RNASET2: variants seen among roughly 807,000 people sequenced by gnomAD.
RNASET2 encodes the protein ribonuclease T2, also known as ribonuclease 6.
In RNASET2, 28 loss-of-function variants were observed where a neutral mutation model predicts 33.9. The ratio of observed to expected loss-of-function variants is 0.83; its 90% CI spans 0.61 to 1.13. The LOEUF (loss-of-function observed/expected upper bound fraction) is 1.13. Among genes scored for constraint, RNASET2 ranks in the 50% most tolerant of loss-of-function variants. RNASET2 has a pLI of 0.00. For missense variants in RNASET2, 330 were observed against 319.9 expected, an observed-to-expected ratio of 1.03 and a Z score of -0.24; for synonymous variants, 123 against 121.0, an observed-to-expected ratio of 1.02 and a Z score of -0.11.
rs375685341 is a variant in RNASET2, at chr6:166,929,540, G to C, written c.*48C>G. The C allele has an allele frequency of 5.7e-6, 9 of 1,584,980 alleles. No homozygotes were observed. Among genetic ancestry groups the C allele is most frequent in the Non-Finnish European group, 7.8e-6 (9 of 1,153,616 alleles). On this transcript the variant is annotated 3_prime_UTR_variant, in exon 9 of 9. Coordinates refer to ENST00000508775, the MANE Select transcript of RNASET2 (RefSeq NM_003730.6). ...GTTGTTTTTTAGAAAGCTGCAGTTT[G>C]TGAATTTCTCTTGCTTTTTAAAACA... is the stretch of plus-strand genomic sequence containing the variant.
intron 2 of RNASET2, among the ~76,000 whole-genome samples, chr6:166,951,853 G>A (rs1218260751): frequency 2.0e-5 from 3 of 152,086 alleles, no homozygotes; most frequent in East Asian, 3.9e-4. Flanking sequence ...GTGGCTTGCC[G>A]CCCACAGAGG....
At chr6:166,950,602 A>G (rs1327753099) in intron 2 of RNASET2, among the ~76,000 whole-genome samples, 2 of 152,210 alleles carry the variant, frequency 1.3e-5, no homozygotes, top group Non-Finnish European at 2.9e-5. Flanking sequence ...GAAGTGTGCA[A>G]TGCACACCAG....
rs1213065780 is a variant in RNASET2 at position 166,933,006 on chromosome 6, AT to A, written c.492+1084del. 5 of 152,330 alleles carry A rather than the reference AT, an allele frequency of 3.3e-5. No homozygotes were observed. The highest frequency in any genetic ancestry group is 9.6e-5 in the African/African-American group (4 of 41,576). 9.4% of individuals were successfully genotyped at this position (152,330 alleles called of 1,614,324 possible). On this transcript the variant is annotated intron_variant, in intron 7 of 8. Transcript: ENST00000508775. The surrounding 1 kb of genome is among the most constrained non-coding windows in gnomAD (Gnocchi z 4.1). ...ATGGCTGCACAGGTAAGCAGACACC[AT>A]GAGAGCAAAGACACTGTTGCCAATT...
chr6:166,943,027 G>T lies in RNASET2; in HGVS notation c.324C>A (p.Ser108Arg). Residue 108 changes from serine (S) to arginine (R), a missense_variant, in exon 5 of 9, where the codon AGC becomes AGA. Ser to Arg is a moderately radical substitution (Grantham distance 110). Coordinates refer to ENST00000508775, the MANE Select transcript of RNASET2 (RefSeq NM_003730.6). ...PDVIHSFPNR[S>R]RFWKHEWEKH... is the part of the protein sequence containing the mutation. Reference sequence around the variant, plus strand: ...CAGAGGCTGGGACTTACCAGAAGCGGCTGCGATTGGGAAACGAGTGAATTA... The same window carrying T: ...CAGAGGCTGGGACTTACCAGAAGCGTCTGCGATTGGGAAACGAGTGAATTA... 1 of 1,613,454 alleles carries T rather than the reference G, an allele frequency of 6.2e-7. No homozygotes were observed. Among genetic ancestry groups the T allele is most frequent in the Non-Finnish European group, 8.5e-7 (1 of 1,179,588 alleles).
At chr6:166,937,792 C>T (rs1283412331) in intron 6 of RNASET2, among the ~76,000 whole-genome samples, 1 of 152,172 alleles carries the variant, frequency 6.6e-6, no homozygotes, top group Non-Finnish European at 1.5e-5. Flanking sequence ...ATGCCACGCG[C>T]TCTGGGAGGT....
At position 166,948,653 on chromosome 6, in the gene RNASET2, A is replaced by G. The variant is rs528863584; in HGVS notation, c.148-28T>C. ...AGGGAGAAAATATAACAAGAAAATG[A>G]TTGGCTCTTTGTTTATTCAAATACA... is the stretch of plus-strand genomic sequence containing the variant. On this transcript the variant is annotated intron_variant, in intron 2 of 8. Transcript: ENST00000508775. 13 of 1,348,752 alleles carry G rather than the reference A, an allele frequency of 9.6e-6. No individual in the cohort carries two copies. In the South Asian group the frequency reaches 1.4e-4, roughly 15 times the overall value. 83.5% of individuals were successfully genotyped at this position (1,348,752 alleles called of 1,614,324 possible). A position where few individuals can be genotyped will look rare whatever the true frequency, so the allele number is the denominator to read the frequency against.
intron 4 of RNASET2, among the ~76,000 whole-genome samples, chr6:166,946,022 T>C (rs975527269): frequency 2.7e-4 from 41 of 152,174 alleles, no homozygotes; most frequent in African/African-American, 9.4e-4. Context: ...CCCTGGTATA[T>C]ACTGGTTACA....
intron 7 of RNASET2, chr6:166,931,918 C>G (rs542972191): frequency 6.5e-6 from 1 of 154,214 alleles, no homozygotes; most frequent in Non-Finnish European, 1.4e-5. Context: ...CCTGCCCCAT[C>G]TCCTTGGCCT....
rs1287284663 is a variant in RNASET2, at chr6:166,923,419, C to T, written c.*6169G>A. On this transcript the variant is annotated 3_prime_UTR_variant, in exon 9 of 9. Transcript: ENST00000508775. ...ATTTTTAGTAGAGATAGGGTTTCGT[C>T]CTGTTGGCCAGGGTGGTCTTGAACG... is the stretch of plus-strand genomic sequence containing the variant. 6.6e-6 allele frequency among the ~76,000 whole-genome samples: 1 copy of T among 151,914 alleles called. No homozygotes were observed. Among genetic ancestry groups the T allele is most frequent in the Non-Finnish European group, 1.5e-5 (1 of 68,002 alleles).
intron 4 of RNASET2, 48 bp from the exon 5 acceptor site, chr6:166,943,137 A>C: frequency 7.2e-7 from 1 of 1,389,012 alleles, no homozygotes; most frequent in Non-Finnish European, 1.0e-6. Context: ...TTAATAATAA[A>C]CTCAAAACCT....
At chr6:166,946,414 G>C (rs984912444) in intron 4 of RNASET2, among the ~76,000 whole-genome samples, 2 of 152,244 alleles carry the variant, frequency 1.3e-5, no homozygotes, top group East Asian at 1.9e-4. Flanking sequence ...GGGAGTGTCA[G>C]GGCTTGCTCC....
At chr6:166,955,994 G>C (rs940856690) in intron 1 of RNASET2, 103 bp downstream of exon 1, 52 of 990,378 alleles carry the variant, frequency 5.3e-5, no homozygotes, top group East Asian at 2.2e-4. Flanking sequence ...GTCGCTGCCC[G>C]GGGCTCAGCG....
At position 166,955,401 on chromosome 6, in the gene RNASET2, ACACACACGCG is replaced by A. The variant is rs1311103478; in HGVS notation, c.86+686_86+695del. ...CACACGCACACACACACACGCGCAC[ACACACACGCG>A]CACACACACACACACGCGGAGGGCG... On this transcript the variant is annotated intron_variant, in intron 1 of 8. Coordinates refer to ENST00000508775, the MANE Select transcript of RNASET2 (RefSeq NM_003730.6). The A allele has an allele frequency of 7.2e-5, 45 of 621,238 alleles. 1 individual carries two copies. The South Asian group carries it at 2.5e-3, about 34-fold the overall frequency. 38.5% of individuals were successfully genotyped at this position (621,238 alleles called of 1,614,324 possible).
At chr6:166,951,816 C>A (rs554132727) in intron 2 of RNASET2, among the ~76,000 whole-genome samples, 189 of 152,310 alleles carry the variant, frequency 1.2e-3, no homozygotes, top group African/African-American at 4.5e-3. Flanking sequence ...ACAGCTTATG[C>A]CCTCGGTCTC....
At position 166,922,479 on chromosome 6, in the gene RNASET2, G is replaced by C. The variant is rs1358403571; in HGVS notation, c.*7109C>G. 6.6e-6 allele frequency among the ~76,000 whole-genome samples: 1 copy of C among 152,198 alleles called. No individual in the cohort carries two copies. Among genetic ancestry groups the C allele is most frequent in the Non-Finnish European group, 1.5e-5 (1 of 68,030 alleles). The stretch of plus-strand genomic sequence containing the variant: ...TTTCACTCATTGACTTAAGTGGAAT[G>C]ATTAACCTGGAGGAGACTCCAATCA... On this transcript the variant is annotated 3_prime_UTR_variant, in exon 9 of 9. Coordinates refer to ENST00000508775, the MANE Select transcript of RNASET2 (RefSeq NM_003730.6).
At chr6:166,934,203 G>T (rs998561561) in intron 6 of RNASET2, 67 bp from the exon 7 acceptor site, 35 of 1,025,342 alleles carry the variant, frequency 3.4e-5, no homozygotes, top group Admixed American at 6.8e-5. Flanking sequence ...GTTCTTTTCA[G>T]GTATCATATT....
rs565299411 is a variant in RNASET2, at chr6:166,955,711, C to T, written c.86+386G>A. On this transcript the variant is annotated intron_variant, in intron 1 of 8. Coordinates refer to ENST00000508775, the MANE Select transcript of RNASET2 (RefSeq NM_003730.6). ...CCCCCTACTCCTTCCCAGGGGTCAC[C>T]CCGGGGAGTGTTCAGGGCTCCCCAA... 16 of 1,116,160 alleles carry T rather than the reference C, an allele frequency of 1.4e-5. No individual in the cohort carries two copies. In the East Asian group the frequency reaches 1.2e-3, roughly 82 times the overall value. 69.1% of individuals were successfully genotyped at this position (1,116,160 alleles called of 1,614,324 possible).
Position 166,923,379 on chromosome 6 carries a change from A to T in RNASET2, c.*6209T>A. Among the ~76,000 whole-genome samples the T allele has an allele frequency of 6.6e-6, 1 of 151,418 alleles. No individual in the cohort carries two copies. ...GCTGGGATTGCAGACACCCGCCACC[A>T]CACCCAGCTAATGTATTTTTAGTAG... On this transcript the variant is annotated 3_prime_UTR_variant, in exon 9 of 9. Coordinates refer to ENST00000508775, the MANE Select transcript of RNASET2 (RefSeq NM_003730.6).
chr6:166,952,665 A>C (rs1203424452), intron 1 of RNASET2, 117 bp from the exon 2 acceptor site: 5 of 799,006 alleles, frequency 6.3e-6, no homozygotes, highest in Non-Finnish European at 1.1e-5. Flanking sequence ...TGGGAGGAGG[A>C]ACACTGCCTG....
Sources: gnomAD v4.1 joint callset for allele counts (sites outside exome capture counted in the v4.1 genomes callset) on GRCh38, gnomAD v4.1.1 for gene constraint, Gnocchi (gnomAD v3.1) non-coding constraint, MANE v1.5 for transcripts, NCBI Gene and HGNC (gene_info 2026-07-23, HGNC 2026-07-21) for gene names.